ST3GAL6: variants seen among roughly 807,000 people sequenced by gnomAD.
ST3GAL6 encodes the protein ST3 beta-galactoside alpha-2,3-sialyltransferase 6.
Under a neutral mutation model 40.5 loss-of-function variants are expected in ST3GAL6, and 31 were observed. The observed-to-expected ratio is 0.77, with a 90% CI of 0.58 to 1.03. The LOEUF is 1.03. Ranked by LOEUF, ST3GAL6 falls within the 50% of genes least tolerant of loss-of-function variation. The probability of loss-of-function intolerance (pLI) is 0.00; values close to 1 mark genes in which losing one functional copy is unlikely to be tolerated. For synonymous variants in ST3GAL6, 129 were observed against 136.9 expected, an observed-to-expected ratio of 0.94 and a Z score of 0.40; for missense variants, 357 against 393.2, an observed-to-expected ratio of 0.91 and a Z score of 0.78.
chr3:98,770,164 T>C (rs1346322211), intron 2 of ST3GAL6, among the ~76,000 whole-genome samples: 1 of 152,242 alleles, frequency 6.6e-6, no homozygotes, highest in Non-Finnish European at 1.5e-5. Context: ...ATTCTTCACA[T>C]AACTGATGAT....
chr3:98,737,522 T>C (rs1935657995), intron 1 of ST3GAL6, among the ~76,000 whole-genome samples: 1 of 152,220 alleles, frequency 6.6e-6, no homozygotes. Context: ...CAGAGACGCC[T>C]ATACAGTATT....
At chr3:98,733,499 C>T (rs576040404) in intron 1 of ST3GAL6, 14 of 987,008 alleles carry the variant, frequency 1.4e-5, no homozygotes, top group Non-Finnish European at 1.7e-5. Context: ...GGTCTCTTAC[C>T]GTATAAAGTT....
At chr3:98,772,551 C>A in intron 3 of ST3GAL6, 1 of 212,954 alleles carries the variant, frequency 4.7e-6, no homozygotes, top group Non-Finnish European at 9.2e-6. Context: ...TTTGTTTTTA[C>A]TTCCTGAGTT....
In ST3GAL6 at chr3:98,752,611, A is replaced by G. The variant is rs541862129; in HGVS notation, c.-11-15819A>G. ...CTCAGCCTCGCGAGTAGCTGGGACTACAGGCACCCGCCACCATGCCTGGCT... is the reference window on the plus strand; with the variant it reads ...CTCAGCCTCGCGAGTAGCTGGGACTGCAGGCACCCGCCACCATGCCTGGCT... On this transcript the variant is annotated intron_variant, in intron 1 of 9. Coordinates refer to the ST3GAL6 transcript ENST00000265261. Among the ~76,000 whole-genome samples the G allele has an allele frequency of 1.2e-3, 185 of 152,192 alleles. 1 individual carries two copies. The highest frequency in any genetic ancestry group is 2.4e-3 in the Non-Finnish European group (161 of 67,978).
rs185583703 is a variant in ST3GAL6 at position 98,767,457 on chromosome 3, G to A, written c.-11-973G>A. 2.7e-3 allele frequency among the ~76,000 whole-genome samples: 408 copies of A among 152,236 alleles called. 1 individual carries two copies. The highest frequency in any genetic ancestry group is 9.1e-3 in the African/African-American group (380 of 41,538). On this transcript the variant is annotated intron_variant, in intron 1 of 9. Coordinates refer to ENST00000483910, the MANE Select transcript of ST3GAL6 (RefSeq NM_001323368.2). ...AGACTCCCAGGTTCTATACTGCATC[G>A]CCATGATTGAGGTTAATAGGCATGG... is the stretch of plus-strand genomic sequence containing the variant.
chr3:98,763,123 T>C, upstream of ST3GAL6: 1 of 985,446 alleles, frequency 1.0e-6, no homozygotes, highest in Non-Finnish European at 1.2e-6. Flanking sequence ...TGGAGATGGC[T>C]GGGTCTGTGA....
At chr3:98,774,506 T>G (rs1050494696) in intron 5 of ST3GAL6, among the ~76,000 whole-genome samples, 12 of 152,270 alleles carry the variant, frequency 7.9e-5, no homozygotes, top group African/African-American at 2.9e-4. Context: ...TAGACAATTT[T>G]GTCATTAAAT....
chr3:98,756,465 A>T (rs1373766485), intron 1 of ST3GAL6: 1 of 1,289,204 alleles, frequency 7.8e-7, no homozygotes, highest in Admixed American at 2.3e-5. Flanking sequence ...AGTCTTTGGC[A>T]GCCTGGTCCC....
chr3:98,753,000 A>G (rs931437852), intron 1 of ST3GAL6, among the ~76,000 whole-genome samples: 2 of 152,226 alleles, frequency 1.3e-5, no homozygotes, highest in African/African-American at 4.8e-5. Context: ...ATTCAAGTGA[A>G]AGGATGAGTT....
chr3:98,791,576 T>C (rs1180810879), intron 8 of ST3GAL6, among the ~76,000 whole-genome samples: 2 of 152,240 alleles, frequency 1.3e-5, no homozygotes, highest in South Asian at 4.1e-4. Flanking sequence ...TATTCTTTCA[T>C]TGGATAGTTG....
intron 9 of ST3GAL6, among the ~76,000 whole-genome samples, chr3:98,792,598 G>A (rs905308683): frequency 4.1e-5 from 6 of 147,562 alleles, no homozygotes; most frequent in Non-Finnish European, 7.4e-5. Flanking sequence ...CCTGCACCCC[G>A]CAGGTTGAAG....
At position 98,772,847 on chromosome 3, in the gene ST3GAL6, G is replaced by GATTTTAGAA; in HGVS notation, c.204_212dup (p.Arg70_Lys71insAsnPheArg). On this transcript the variant is annotated inframe_insertion, in exon 4 of 10. Coordinates refer to ENST00000483910, the MANE Select transcript of ST3GAL6 (RefSeq NM_001323368.2). Reference sequence around the variant, plus strand: ...GTTTCACCCTTTTCTGTGTGCGGCTGATTTTAGAAAGATTGCTTCCTTGTA... The same window carrying GATTTTAGAA: ...GTTTCACCCTTTTCTGTGTGCGGCTGATTTTAGAAATTTTAGAAAGATTGCTTCCTTGTA... 1 of 1,613,462 alleles carries GATTTTAGAA rather than the reference G, an allele frequency of 6.2e-7. No homozygotes were observed. Among genetic ancestry groups the GATTTTAGAA allele is most frequent in the Non-Finnish European group, 8.5e-7 (1 of 1,179,574 alleles).
chr3:98,767,400 C>T (rs1938473619), intron 1 of ST3GAL6, among the ~76,000 whole-genome samples: 1 of 152,172 alleles, frequency 6.6e-6, no homozygotes, highest in South Asian at 2.1e-4. Context: ...AAAAAGAAGG[C>T]AATGCCATAT....
At chr3:98,752,672 CGTGTTA>C (rs940283009) in intron 1 of ST3GAL6, among the ~76,000 whole-genome samples, 1 of 152,040 alleles carries the variant, frequency 6.6e-6, no homozygotes, top group African/African-American at 2.4e-5. Flanking sequence ...GGGGTTTCAC[CGTGTTA>C]GCCAGGATGG....
chr3:98,739,249 A>G (rs1935846061), intron 1 of ST3GAL6, among the ~76,000 whole-genome samples: 1 of 152,170 alleles, frequency 6.6e-6, no homozygotes, highest in African/African-American at 2.4e-5. Flanking sequence ...AAATTCAAAA[A>G]GATCCCAAAT....
chr3:98,732,698 G>A (rs1002965559), intron 1 of ST3GAL6: 4 of 663,674 alleles, frequency 6.0e-6, no homozygotes, highest in South Asian at 5.1e-5. Context: ...GGAGGCGCTC[G>A]GCGCAGTCGC....
intron 9 of ST3GAL6, among the ~76,000 whole-genome samples, chr3:98,792,234 C>T (rs1395249877): frequency 6.6e-6 from 1 of 152,144 alleles, no homozygotes; most frequent in East Asian, 1.9e-4. Flanking sequence ...TGTCATCAAA[C>T]CCATATAAGT....
At position 98,788,207 on chromosome 3, in the gene ST3GAL6, G is replaced by T; in HGVS notation, c.603G>T (p.Leu201Phe). The T allele has an allele frequency of 6.2e-7, 1 of 1,609,642 alleles. No homozygotes were observed. Among genetic ancestry groups the T allele is most frequent in the East Asian group, 2.2e-5 (1 of 44,804 alleles). ...PHDLRWLLEL[L>F]MGDKINTNGF... ...ATTTAAGGTGGCTGTTGGAATTGTT[G>T]ATGGGTGACAAAATAGTAAGTAGGC... Residue 201 changes from leucine to phenylalanine, a missense_variant, in exon 7 of 10, where the codon TTG (leucine) becomes TTT (phenylalanine). Coordinates refer to ENST00000483910, the MANE Select transcript of ST3GAL6 (RefSeq NM_001323368.2).
At chr3:98,771,205 G>A in intron 3 of ST3GAL6, 1 of 1,373,320 alleles carries the variant, frequency 7.3e-7, no homozygotes, top group Non-Finnish European at 9.6e-7. Context: ...GGCTAGAGAG[G>A]TCTATTTGTG....
Sources: allele counts gnomAD v4.1 joint callset (sites outside exome capture counted in the v4.1 genomes callset), GRCh38; gene constraint gnomAD v4.1.1; transcripts MANE v1.5; gene names NCBI Gene and HGNC (gene_info 2026-07-23, HGNC 2026-07-21).